The following RAB40A variants were observed in gnomAD, a reference collection of about 807,000 sequenced individuals.
RAB40A encodes ras-related protein Rab-40A.
For synonymous variants in RAB40A, 65 were observed against 99.9 expected (o/e 0.65, Z 2.08); for missense variants, 145 against 230.2 (o/e 0.63, Z 2.40).
chrX:103,494,030 T>C, the RAB40A span, among the ~76,000 whole-genome samples: 16 of 112,422 alleles, frequency 1.4e-4, no homozygotes, highest in African/African-American at 4.8e-4. Context: ...ATAGTGGTTT[T>C]ACTAACTTAC....
chrX:103,502,906 TA>T (rs2073236369), intron 2 of RAB40A: 1 of 764,098 alleles, frequency 1.3e-6, no homozygotes, highest in Non-Finnish European at 1.6e-6. Context: ...AATGGCCCTT[TA>T]AATGCTGAGA....
At chrX:103,503,590 A>C in intron 2 of RAB40A, 2 of 559,872 alleles carry the variant, frequency 3.6e-6, no homozygotes, top group Non-Finnish European at 4.3e-6. Context: ...AAAAAAATGG[A>C]GATAGCTGTG....
chrX:103,519,062 G>A (rs1322487776), intron 1 of RAB40A, among the ~76,000 whole-genome samples: 1 of 111,623 alleles, frequency 9.0e-6, no homozygotes, highest in South Asian at 3.7e-4. Flanking sequence ...CATCACAAGA[G>A]GAGAGACAAT....
chrX:103,509,289 A>ATC (rs373450734), intron 2 of RAB40A, among the ~76,000 whole-genome samples: 2,364 of 86,036 alleles, frequency 0.027, 66 homozygotes, highest in East Asian at 0.12. Context: ...CAGCCACAGG[A>ATC]TCTCTCTCTC....
At chrX:103,511,099 C>A (rs891651298) in intron 2 of RAB40A, among the ~76,000 whole-genome samples, 1 of 111,706 alleles carries the variant, frequency 9.0e-6, no homozygotes, top group Non-Finnish European at 1.9e-5. Flanking sequence ...TATTGTGGCA[C>A]TATTCACAAT....
At chrX:103,514,340 A>G (rs760535220) in intron 2 of RAB40A, among the ~76,000 whole-genome samples, 2 of 111,724 alleles carry the variant, frequency 1.8e-5, no homozygotes, top group Non-Finnish European at 3.8e-5. Context: ...CAAGCTGAAG[A>G]AACTTTGAAT....
intron 2 of RAB40A, among the ~76,000 whole-genome samples, chrX:103,506,809 CA>C (rs1463209099): frequency 9.0e-6 from 1 of 111,579 alleles, no homozygotes; most frequent in East Asian, 2.8e-4. Flanking sequence ...CAGTCTTCTC[CA>C]AAAGTACAAT....
At chrX:103,494,003 C>A in the RAB40A span, among the ~76,000 whole-genome samples, 4 of 112,023 alleles carry the variant, frequency 3.6e-5, no homozygotes, top group East Asian at 2.8e-4. Context: ...TTTTGAGGAA[C>A]CTTCAAAATG....
chrX:103,502,920 C>T, intron 2 of RAB40A: 1 of 765,437 alleles, frequency 1.3e-6, no homozygotes, highest in Non-Finnish European at 1.6e-6. Flanking sequence ...TGCTGAGACA[C>T]AGAAGTGGGG....
At chrX:103,504,723 T>C (rs903633659) in intron 2 of RAB40A, among the ~76,000 whole-genome samples, 2 of 111,336 alleles carry the variant, frequency 1.8e-5, no homozygotes, top group African/African-American at 6.5e-5. Context: ...GGTTTCACCA[T>C]GTTGGCCAGG....
intron 2 of RAB40A, among the ~76,000 whole-genome samples, chrX:103,507,006 C>G (rs907065407): frequency 9.0e-6 from 1 of 110,734 alleles, no homozygotes; most frequent in African/African-American, 3.3e-5. Context: ...TTTGCTGCAC[C>G]TATTGACCCA....
intron 2 of RAB40A, among the ~76,000 whole-genome samples, chrX:103,507,886 A>G (rs2073264761): frequency 8.9e-6 from 1 of 111,991 alleles, no homozygotes; most frequent in African/African-American, 3.2e-5. Context: ...TCACTGGCCC[A>G]GCTCCCACCC....
At chrX:103,508,395 G>T (rs2073268279) in intron 2 of RAB40A, among the ~76,000 whole-genome samples, 1 of 111,851 alleles carries the variant, frequency 8.9e-6, no homozygotes, top group Non-Finnish European at 1.9e-5. Flanking sequence ...AAAGCCTGAG[G>T]TTGGTCATCT....
Position 103,500,619 on chromosome X carries a change from G to C in RAB40A, c.138C>G (p.Leu46=), listed in dbSNP as rs149510205. Reference sequence around the variant, plus strand: ...TGGTCGTCTTGTAGTCGATCCCCCCGAGATGGCTGTACGGGGACTCAGCTG... The same window carrying C: ...TGGTCGTCTTGTAGTCGATCCCCCCCAGATGGCTGTACGGGGACTCAGCTG... The part of the protein sequence containing the change: ...DGAAESPYSH[L]GGIDYKTTTI... The change falls in exon 3 of 3, where the codon CTC becomes CTG. Residue 46 remains leucine, a synonymous_variant. Coordinates refer to ENST00000304236, the MANE Select transcript of RAB40A (RefSeq NM_080879.3). The C allele has an allele frequency of 6.1e-4, 734 of 1,208,851 alleles. No individual in the cohort carries two copies. The highest frequency in any genetic ancestry group is 7.9e-4 in the Non-Finnish European group (706 of 894,767).
At chrX:103,507,024 A>AAT (rs2073258343) in intron 2 of RAB40A, among the ~76,000 whole-genome samples, 1 of 109,578 alleles carries the variant, frequency 9.1e-6, no homozygotes, top group Non-Finnish European at 1.9e-5. Flanking sequence ...CCATCCTCTA[A>AAT]GTTCCCTCCC....
intron 2 of RAB40A, among the ~76,000 whole-genome samples, chrX:103,513,431 G>A (rs2073301333): frequency 9.0e-6 from 1 of 110,784 alleles, no homozygotes; most frequent in Admixed American, 9.6e-5. Flanking sequence ...CAGGGCCCCA[G>A]GAGTAATCAA....
chrX:103,511,328 C>A (rs1430658522), intron 2 of RAB40A, among the ~76,000 whole-genome samples: 2 of 108,940 alleles, frequency 1.8e-5, no homozygotes, highest in Non-Finnish European at 3.8e-5. Flanking sequence ...GAAACACCAT[C>A]TCTACTAAAA....
At position 103,505,844 on chromosome X, in the gene RAB40A, T is replaced by C. The variant is rs1389346164; in HGVS notation, c.-70-5018A>G. ...GTGATTATTTGCCACCCCAACTACA[T>C]AAAAATATTTTCCTCCATTGTTATA... On this transcript the variant is annotated intron_variant, in intron 2 of 2. Transcript: ENST00000304236. Among the ~76,000 whole-genome samples the C allele has an allele frequency of 5.4e-5, 6 of 111,974 alleles. No individual in the cohort carries two copies. The East Asian group carries it at 1.7e-3, about 31-fold the overall frequency.
chrX:103,507,018 C>T (rs763110175), intron 2 of RAB40A, among the ~76,000 whole-genome samples: 1 of 110,367 alleles, frequency 9.1e-6, no homozygotes, highest in Non-Finnish European at 1.9e-5. Context: ...ATTGACCCAT[C>T]CTCTAAGTTC....
Sources: gnomAD v4.1 joint callset for allele counts (sites outside exome capture counted in the v4.1 genomes callset) on GRCh38, gnomAD v4.1.1 for gene constraint, MANE v1.5 for transcripts, NCBI Gene and HGNC (gene_info 2026-07-23, HGNC 2026-07-21) for gene names.